The following RNFT2 variants were observed in gnomAD, a reference collection of about 807,000 sequenced individuals.
RNFT2 encodes the protein ring finger protein, transmembrane 2.
In RNFT2, 36 loss-of-function variants were observed where a neutral mutation model predicts 53.0. The observed-to-expected ratio is 0.68, with a 90% CI of 0.52 to 0.90. The LOEUF (loss-of-function observed/expected upper bound fraction) is 0.90. Among genes scored for constraint, RNFT2 ranks in the 40% least tolerant of loss-of-function variants. RNFT2 has a pLI of 0.00. For synonymous variants in RNFT2, 260 were observed against 253.2 expected, an observed-to-expected ratio of 1.03 and a Z score of -0.26; for missense variants, 514 against 585.6, an observed-to-expected ratio of 0.88 and a Z score of 1.26.
At chr12:116,845,272 TATAGAG>T (rs1448877319) in intron 10 of RNFT2, among the ~76,000 whole-genome samples, 78 of 127,052 alleles carry the variant, frequency 6.1e-4, no homozygotes, top group Middle Eastern at 3.8e-3. Flanking sequence ...TATATATATA[TATAGAG>T]AGAGAGAGAG....
intron 7 of RNFT2, among the ~76,000 whole-genome samples, chr12:116,803,469 CCT>C (rs1339634045): frequency 6.6e-6 from 1 of 152,194 alleles, no homozygotes; most frequent in African/African-American, 2.4e-5. Flanking sequence ...TTCAGATCTT[CCT>C]CTTTCCTTTT....
intron 7 of RNFT2, among the ~76,000 whole-genome samples, chr12:116,820,973 C>T (rs759957234): frequency 2.0e-5 from 3 of 152,092 alleles, no homozygotes; most frequent in Non-Finnish European, 4.4e-5. Context: ...CTCTGTTCTT[C>T]CCTCCCCTGC....
intron 7 of RNFT2, 43 bp from the exon 8 acceptor site, chr12:116,833,749 T>C: frequency 6.2e-7 from 1 of 1,607,866 alleles, no homozygotes; most frequent in Non-Finnish European, 8.5e-7. Context: ...GTCCTTTGGG[T>C]CTTTACTGCT....
chr12:116,800,099 A>G (rs939303006), intron 7 of RNFT2, among the ~76,000 whole-genome samples: 1 of 152,198 alleles, frequency 6.6e-6, no homozygotes, highest in African/African-American at 2.4e-5. Flanking sequence ...TGCCATGAGT[A>G]AAAGCTTCCT....
chr12:116,849,469 C>G lies in RNFT2; in HGVS notation c.*21C>G. ...ACTAGGACCGAACACTGAGGACACC[C>G]AGAAGGACGCCAAGGGTCAGCATGC... is the stretch of plus-strand genomic sequence containing the variant. On this transcript the variant is annotated 3_prime_UTR_variant, in exon 11 of 11. Transcript: ENST00000257575. The G allele has an allele frequency of 1.9e-6, 3 of 1,569,530 alleles. No individual in the cohort carries two copies. The highest frequency in any genetic ancestry group is 2.6e-6 in the Non-Finnish European group (3 of 1,155,812).
chr12:116,799,863 C>T (rs951238251), intron 7 of RNFT2, among the ~76,000 whole-genome samples: 1 of 152,280 alleles, frequency 6.6e-6, no homozygotes, highest in Non-Finnish European at 1.5e-5. Context: ...TTTGTCCCCT[C>T]CAAATCTCAT....
At chr12:116,810,913 C>T (rs1875339372) in intron 7 of RNFT2, among the ~76,000 whole-genome samples, 1 of 152,184 alleles carries the variant, frequency 6.6e-6, no homozygotes, top group South Asian at 2.1e-4. Flanking sequence ...GATTTGGCCT[C>T]AGGGAGCCCA....
chr12:116,834,625 A>G (rs114104096), intron 8 of RNFT2, among the ~76,000 whole-genome samples: 1 of 152,126 alleles, frequency 6.6e-6, no homozygotes, highest in Non-Finnish European at 1.5e-5. Flanking sequence ...CTATGAATAT[A>G]CTTATTATGA....
In RNFT2 at chr12:116,813,453, A is replaced by G. The variant is rs200438634; in HGVS notation, c.883-20339A>G. Among the ~76,000 whole-genome samples the G allele has an allele frequency of 2.0e-5, 3 of 151,922 alleles. No individual in the cohort carries two copies. The East Asian group carries it at 5.8e-4, about 29-fold the overall frequency. Reference sequence around the variant, plus strand: ...CCCAGCCCCATCTGGCTGACCCCTCATCACCCCATCACCCTCAGGTGTTTA... The same window carrying G: ...CCCAGCCCCATCTGGCTGACCCCTCGTCACCCCATCACCCTCAGGTGTTTA... On this transcript the variant is annotated intron_variant, in intron 7 of 10. Transcript: ENST00000257575.
At chr12:116,813,630 C>T (rs1292480293) in intron 7 of RNFT2, among the ~76,000 whole-genome samples, 1 of 152,210 alleles carries the variant, frequency 6.6e-6, no homozygotes, top group African/African-American at 2.4e-5. Context: ...TTGGCAAGAA[C>T]AGAGATCAAG....
intron 7 of RNFT2, among the ~76,000 whole-genome samples, chr12:116,816,570 T>C (rs1321178610): frequency 6.6e-6 from 1 of 152,140 alleles, no homozygotes; most frequent in Non-Finnish European, 1.5e-5. Flanking sequence ...TGTCCAGTTA[T>C]CTAGTGGCAG....
Position 116,779,234 on chromosome 12 carries a change from C to G in RNFT2, c.768C>G (p.Phe256Leu), listed in dbSNP as rs369734304. The change falls in exon 7 of 11, where the codon TTC becomes TTG. Residue 256 changes from phenylalanine to leucine, a missense_variant. Phe to Leu is a conservative substitution (Grantham distance 22). Transcript: ENST00000257575. ...FLKPNLEMLDFFDLLWIVGIA... is the reference protein window; with the variant it reads ...FLKPNLEMLDLFDLLWIVGIA... ...AGCCCAACCTGGAGATGCTGGACTT[C>G]TTTGACCTGCTATGGATTGTGGGGA... 2 of 1,613,914 alleles carry G rather than the reference C, an allele frequency of 1.2e-6. No individual in the cohort carries two copies. Among genetic ancestry groups the G allele is most frequent in the African/African-American group, 1.3e-5 (1 of 74,940 alleles).
At chr12:116,804,864 A>C (rs1874969064) in intron 7 of RNFT2, among the ~76,000 whole-genome samples, 1 of 152,136 alleles carries the variant, frequency 6.6e-6, no homozygotes, top group African/African-American at 2.4e-5. Context: ...CTATTCAGGA[A>C]GCCGAAGTGG....
At chr12:116,751,852 T>C (rs568089434) in intron 4 of RNFT2, among the ~76,000 whole-genome samples, 1 of 151,814 alleles carries the variant, frequency 6.6e-6, no homozygotes, top group South Asian at 2.1e-4. Flanking sequence ...CTCTACCCAC[T>C]GAGTTCAAGT....
intron 5 of RNFT2, 91 bp downstream of exon 5, chr12:116,754,151 A>G: frequency 9.9e-7 from 1 of 1,006,264 alleles, no homozygotes; most frequent in Admixed American, 1.7e-5. Flanking sequence ...TCCAGAGTTC[A>G]TTGTATCATT....
Position 116,835,968 on chromosome 12 carries a change from C to A in RNFT2, c.1041C>A (p.Asp347Glu). ...IVLYSLCKSFDICGRVGGVRK... is the reference protein window; with the variant it reads ...IVLYSLCKSFEICGRVGGVRK... ...CCCTGCTCTCCTTTCAGTCCTTCGA[C>A]ATCTGTGGACGTGTGGGCGGAGTTA... The change falls in exon 9 of 11, where the codon GAC becomes GAA. Residue 347 changes from aspartate to glutamate, a missense_variant. By Grantham distance (45) the Asp-to-Glu change is conservative (BLOSUM62 2). Coordinates refer to ENST00000257575, the MANE Select transcript of RNFT2 (RefSeq NM_001382266.1). 7 of 1,614,022 alleles carry A rather than the reference C, an allele frequency of 4.3e-6. No homozygotes were observed. The highest frequency in any genetic ancestry group is 5.9e-6 in the Non-Finnish European group (7 of 1,179,884).
intron 3 of RNFT2, among the ~76,000 whole-genome samples, chr12:116,741,450 T>A (rs1457668567): frequency 4.6e-5 from 7 of 152,198 alleles, no homozygotes; most frequent in Admixed American, 4.6e-4. Flanking sequence ...AAGTCCAAGA[T>A]GAAAGCTCCA....
chr12:116,798,239 A>C (rs77895841), intron 7 of RNFT2, among the ~76,000 whole-genome samples: 3,214 of 151,670 alleles, frequency 0.021, 116 homozygotes, highest in African/African-American at 0.072. Flanking sequence ...AAAAAAAAAG[A>C]AGCAGCAGCA....
intron 7 of RNFT2, among the ~76,000 whole-genome samples, chr12:116,788,909 ATGGATGGATGG>A (rs1339484006): frequency 2.2e-5 from 3 of 136,220 alleles, no homozygotes; most frequent in African/African-American, 8.5e-5. Context: ...GAGGAGAGTG[ATGGATGGATGG>A]TGGATGGATG....
Sources: allele counts gnomAD v4.1 joint callset (sites outside exome capture counted in the v4.1 genomes callset), GRCh38; gene constraint gnomAD v4.1.1; transcripts MANE v1.5; gene names NCBI Gene and HGNC (gene_info 2026-07-23, HGNC 2026-07-21).